The following SLC2A9 variants were observed in gnomAD, a reference collection of about 807,000 sequenced individuals.
The protein encoded by SLC2A9 is solute carrier family 2, facilitated glucose transporter member 9.
SLC2A9 carries 39 observed loss-of-function variants against 50.6 expected under a neutral mutation model. The observed-to-expected ratio is 0.77, with a 90% CI of 0.60 to 1.01. The LOEUF (loss-of-function observed/expected upper bound fraction) is 1.01, where lower values mean the gene tolerates loss of function less well. Ranked by LOEUF, SLC2A9 falls within the 50% of genes least tolerant of loss-of-function variation. The pLI, the probability that SLC2A9 is intolerant of heterozygous loss-of-function variation, is 0.00. For synonymous variants in SLC2A9, 324 were observed against 276.9 expected (o/e 1.17, Z -1.69); for missense variants, 686 against 677.6 (o/e 1.01, Z -0.14).
intron 5 of SLC2A9, among the ~76,000 whole-genome samples, chr4:9,973,624 C>T (rs1013326971): frequency 9.4e-5 from 14 of 148,260 alleles, no homozygotes; most frequent in African/African-American, 2.8e-4. Flanking sequence ...AAAAACCAAA[C>T]ACCGCATGTT....
intron 10 of SLC2A9, among the ~76,000 whole-genome samples, chr4:9,843,920 A>C (rs1360403207): frequency 6.6e-6 from 1 of 152,156 alleles, no homozygotes; most frequent in African/African-American, 2.4e-5. Context: ...TTGCTTTGGC[A>C]GAAAAGGCCT....
At chr4:9,835,178 T>G (rs1726827667) in intron 10 of SLC2A9, among the ~76,000 whole-genome samples, 170 bp from the exon 11 acceptor site, 1 of 151,858 alleles carries the variant, frequency 6.6e-6, no homozygotes, top group South Asian at 2.1e-4. Flanking sequence ...GGGACAAGTC[T>G]TTATTTTGAG....
At chr4:10,024,699 G>A (rs542927852), upstream of SLC2A9, among the ~76,000 whole-genome samples, 1 of 152,210 alleles carries the variant, frequency 6.6e-6, no homozygotes, top group Non-Finnish European at 1.5e-5. Flanking sequence ...CTGGCTCAGG[G>A]ACAGGGTCCA....
chr4:9,942,488 G>A (rs539247874), intron 5 of SLC2A9, among the ~76,000 whole-genome samples: 5 of 152,322 alleles, frequency 3.3e-5, no homozygotes, highest in South Asian at 2.1e-4. Flanking sequence ...AGACGCCCAC[G>A]ACATTCAACC....
chr4:9,902,746 C>T (rs560939271), intron 8 of SLC2A9, among the ~76,000 whole-genome samples: 3 of 152,162 alleles, frequency 2.0e-5, no homozygotes, highest in African/African-American at 4.8e-5. Context: ...TAAGGACAGT[C>T]GTATTGGATT....
chr4:9,900,533 G>C (rs1739407389), intron 8 of SLC2A9, among the ~76,000 whole-genome samples: 1 of 152,084 alleles, frequency 6.6e-6, no homozygotes, highest in African/African-American at 2.4e-5. Context: ...CACCTTTTCT[G>C]CTTGGGGATG....
Position 10,018,993 on chromosome 4 carries a change from C to T in SLC2A9, c.231G>A (p.Val77=). ...SSFLYGYNLS[V]VNAPTPYIKA... ...CACTCACCGGGGTGGGGGCATTCAC[C>T]ACCGACAGGTTGTAGCCGTAGAGGA... is the stretch of plus-strand genomic sequence containing the variant. Residue 77 remains valine, a synonymous_variant, in exon 2 of 12, where the codon GTG becomes GTA. Coordinates refer to ENST00000264784, the MANE Select transcript of SLC2A9 (RefSeq NM_020041.3). The T allele has an allele frequency of 6.5e-7, 1 of 1,550,200 alleles. No homozygotes were observed. The highest frequency in any genetic ancestry group is 8.7e-7 in the Non-Finnish European group (1 of 1,146,930).
At chr4:9,942,471 G>A (rs1224460694) in intron 5 of SLC2A9, among the ~76,000 whole-genome samples, 1 of 152,218 alleles carries the variant, frequency 6.6e-6, no homozygotes, top group Non-Finnish European at 1.5e-5. Context: ...ACCACCGCTA[G>A]ATATCTAGAC....
intron 10 of SLC2A9, among the ~76,000 whole-genome samples, chr4:9,869,265 T>C (rs1733007489): frequency 6.6e-6 from 1 of 152,206 alleles, no homozygotes; most frequent in Non-Finnish European, 1.5e-5. Context: ...TCCACCCAGC[T>C]TCTAGAATCA....
chr4:9,784,368 G>C (rs747216114), intron 3 of SLC2A9, among the ~76,000 whole-genome samples: 4 of 152,130 alleles, frequency 2.6e-5, no homozygotes, highest in Non-Finnish European at 4.4e-5. Flanking sequence ...TCATTGAAAA[G>C]ATCATGTAGA....
chr4:9,890,718 C>T lies in SLC2A9; in HGVS notation c.1114-7G>A, dbSNP rs775951042. On this transcript the variant is annotated splice_polypyrimidine_tract_variant and splice_region_variant and intron_variant, in intron 8 of 11. Transcript: ENST00000264784. ...GGTGCTCAATGACCAAACCCTAGTC[C>T]AGGGTAAAAGAGAGAGAGAGAGCTA... The T allele has an allele frequency of 3.7e-6, 6 of 1,610,896 alleles. No homozygotes were observed. The highest frequency in any genetic ancestry group is 1.7e-5 in the Admixed American group (1 of 59,966).
At position 10,019,085 on chromosome 4, in the gene SLC2A9, G is replaced by C. The variant is rs1763159347; in HGVS notation, c.151-12C>G. The C allele has an allele frequency of 1.3e-6, 2 of 1,550,640 alleles. No homozygotes were observed. Among genetic ancestry groups the C allele is most frequent in the South Asian group, 2.4e-5 (2 of 84,036 alleles). ...GAGCAGGACCAGTCCTGAGGGGAGA[G>C]GAAACCACGTCAGAGCCGGCACCGG... On this transcript the variant is annotated splice_polypyrimidine_tract_variant and intron_variant, in intron 1 of 11. Transcript: ENST00000264784.
At chr4:10,005,572 A>G (rs927291529) in intron 2 of SLC2A9, among the ~76,000 whole-genome samples, 7 of 152,240 alleles carry the variant, frequency 4.6e-5, no homozygotes, top group Admixed American at 1.3e-4. Context: ...AGCTCCTGCA[A>G]TTGGTATGAG....
rs183862012 is a variant in SLC2A9 at position 9,792,229 on chromosome 4, T to A, written n.386-12164A>T. Among the ~76,000 whole-genome samples the A allele has an allele frequency of 1.3e-4, 18 of 137,752 alleles. No homozygotes were observed. In the Admixed American group the frequency reaches 1.5e-3, roughly 12 times the overall value. The allele number at this position is 137,752 out of a possible 152,430, so 90.4% of individuals were successfully genotyped here. On this transcript the variant is annotated intron_variant and non_coding_transcript_variant, in intron 3 of 3. Transcript: ENST00000503803. ...TCTTGCTCTGTCATCCAGGCTAGAGTGAAGTGGAGCAATCATGGTTCACTG... is the reference window on the plus strand; with the variant it reads ...TCTTGCTCTGTCATCCAGGCTAGAGAGAAGTGGAGCAATCATGGTTCACTG...
chr4:9,790,292 C>A (rs1476130596), intron 3 of SLC2A9, among the ~76,000 whole-genome samples: 1 of 152,214 alleles, frequency 6.6e-6, no homozygotes, highest in Non-Finnish European at 1.5e-5. Flanking sequence ...CCCTCTCCAT[C>A]TTGGACCTTT....
intron 2 of SLC2A9, chr4:10,006,626 C>T (rs963870136): frequency 1.3e-5 from 2 of 152,132 alleles, no homozygotes; most frequent in African/African-American, 4.8e-5. Flanking sequence ...GAGGTAAGGC[C>T]TCCTGTGTAG....
intron 10 of SLC2A9, among the ~76,000 whole-genome samples, chr4:9,875,645 G>A (rs888396138): frequency 5.3e-5 from 8 of 152,184 alleles, no homozygotes; most frequent in African/African-American, 1.4e-4. Context: ...GATAGGAAGT[G>A]GAATTGTGGT....
At chr4:9,955,775 C>T (rs1218061636) in intron 5 of SLC2A9, among the ~76,000 whole-genome samples, 1 of 151,506 alleles carries the variant, frequency 6.6e-6, no homozygotes, top group African/African-American at 2.4e-5. Flanking sequence ...TCAAAGATTC[C>T]AGATTTGGGT....
chr4:9,878,939 C>T (rs1734738170), intron 10 of SLC2A9: 1 of 667,724 alleles, frequency 1.5e-6, no homozygotes, highest in Non-Finnish European at 1.9e-6. Context: ...AAAATACACA[C>T]ACACATTTGG....
Sources: allele counts gnomAD v4.1 joint callset (sites outside exome capture counted in the v4.1 genomes callset), GRCh38; gene constraint gnomAD v4.1.1; transcripts MANE v1.5; gene names NCBI Gene and HGNC (gene_info 2026-07-23, HGNC 2026-07-21).